ASAP2: variants seen among roughly 807,000 people sequenced by gnomAD.
ASAP2 encodes the protein arf-GAP with SH3 domain, ANK repeat and PH domain-containing protein 2.
Under a neutral mutation model 131.4 loss-of-function variants are expected in ASAP2, and 45 were observed. The observed-to-expected ratio is 0.34, with a 90% CI of 0.27 to 0.44. The LOEUF (loss-of-function observed/expected upper bound fraction) is 0.44, where lower values mean the gene tolerates loss of function less well. ASAP2 is among the 20% of genes least tolerant of loss of function. The pLI, the probability that ASAP2 is intolerant of heterozygous loss-of-function variation, is 1.00. For missense variants in ASAP2, 1,011 were observed against 1,297.0 expected, an observed-to-expected ratio of 0.78 and a Z score of 3.39; for synonymous variants, 510 against 503.0, an observed-to-expected ratio of 1.01 and a Z score of -0.19.
chr2:9,210,725 TC>T (rs1661475748), intron 1 of ASAP2, among the ~76,000 whole-genome samples: 2 of 151,956 alleles, frequency 1.3e-5, no homozygotes, highest in Admixed American at 6.5e-5. Context: ...CGGCTAATTT[TC>T]TGTATTTTTA....
Position 9,374,916 on chromosome 2 carries a change from C to A in ASAP2, c.1718C>A (p.Thr573Lys). 6.2e-7 allele frequency: 1 copy of A among 1,603,662 alleles called. No individual in the cohort carries two copies. Among genetic ancestry groups the A allele is most frequent in the Non-Finnish European group, 8.5e-7 (1 of 1,176,542 alleles). ...LQAYADGVDL[T>K]EKIPLANGHE... ...GCTTATGCTGATGGTGTGGATCTTACGGAAAAAATCCCACTGGCCAACGGA... is the reference window on the plus strand; with the variant it reads ...GCTTATGCTGATGGTGTGGATCTTAAGGAAAAAATCCCACTGGCCAACGGA... Residue 573 changes from threonine (T) to lysine (K), a missense_variant, in exon 17 of 28, where the codon ACG becomes AAG. Coordinates refer to ENST00000281419, the MANE Select transcript of ASAP2 (RefSeq NM_003887.3).
chr2:9,264,351 C>A (rs1199300216), intron 1 of ASAP2, among the ~76,000 whole-genome samples: 1 of 152,166 alleles, frequency 6.6e-6, no homozygotes, highest in Non-Finnish European at 1.5e-5. Flanking sequence ...TGGGGGGGCC[C>A]GTGCTGGCGT....
intron 3 of ASAP2, among the ~76,000 whole-genome samples, chr2:9,317,349 TCACA>T (rs963565112): frequency 1.0e-4 from 13 of 129,834 alleles, no homozygotes; most frequent in South Asian, 2.7e-4. Context: ...ACACACACCC[TCACA>T]CAATCATTCA....
chr2:9,271,379 G>A (rs1666383934), intron 1 of ASAP2: 2 of 1,386,140 alleles, frequency 1.4e-6, no homozygotes, highest in Admixed American at 3.4e-5. Flanking sequence ...TCACCCTGTA[G>A]CTGAATTACT....
chr2:9,251,698 G>A lies in ASAP2; in HGVS notation c.127-27619G>A, dbSNP rs561809985. Among the ~76,000 whole-genome samples the A allele has an allele frequency of 2.6e-5, 4 of 152,100 alleles. No individual in the cohort carries two copies. In the South Asian group the frequency reaches 6.2e-4, roughly 24 times the overall value. On this transcript the variant is annotated intron_variant, in intron 1 of 27. Transcript: ENST00000281419. ...CATGGGGTCTTTCCTGGGGACCTTC[G>A]GTTTTGTGATGAGGAAGTGGAGTGG...
chr2:9,207,739 C>T lies in ASAP2; in HGVS notation c.126+509C>T, dbSNP rs936565150. Among the ~76,000 whole-genome samples, 3 of 152,068 alleles carry T rather than the reference C, an allele frequency of 2.0e-5. No homozygotes were observed. The highest frequency in any genetic ancestry group is 7.2e-5 in the African/African-American group (3 of 41,440). On this transcript the variant is annotated intron_variant, in intron 1 of 27. Transcript: ENST00000281419. The surrounding 1 kb of genome is among the most constrained non-coding windows in gnomAD (Gnocchi z 4.1). ...CGGGCTGCCCGGGAAGGCGTGCCCG[C>T]CTCAGCCAGGGCGGCCTGGCTGCGC...
chr2:9,345,251 C>T (rs74921310), intron 11 of ASAP2, among the ~76,000 whole-genome samples: 3,170 of 152,162 alleles, frequency 0.021, 58 homozygotes, highest in Non-Finnish European at 0.031. Context: ...ACTCTGGGGA[C>T]CAGAAATCCA....
At chr2:9,395,607 T>C (rs1391814101) in intron 24 of ASAP2, among the ~76,000 whole-genome samples, 87 of 98,438 alleles carry the variant, frequency 8.8e-4, no homozygotes, top group Non-Finnish European at 1.4e-3. Flanking sequence ...TTTTTTTTTT[T>C]TTTTTTTTTT....
At chr2:9,390,290 T>C (rs1457337871) in intron 22 of ASAP2, among the ~76,000 whole-genome samples, 1 of 152,228 alleles carries the variant, frequency 6.6e-6, no homozygotes, top group African/African-American at 2.4e-5. Flanking sequence ...GTGTCAGCCT[T>C]GCATTTGGGG....
intron 3 of ASAP2, among the ~76,000 whole-genome samples, chr2:9,308,954 A>C (rs1669121675): frequency 6.6e-6 from 1 of 152,188 alleles, no homozygotes; most frequent in African/African-American, 2.4e-5. Flanking sequence ...TCTTTCAGAT[A>C]AGCGGCCTTT....
chr2:9,269,406 C>T (rs977533493), intron 1 of ASAP2, among the ~76,000 whole-genome samples: 2 of 152,184 alleles, frequency 1.3e-5, no homozygotes, highest in Non-Finnish European at 2.9e-5. Context: ...CGTGTGTGCC[C>T]ACCCTGAGCC....
At chr2:9,343,640 T>C (rs1249050716) in intron 9 of ASAP2, among the ~76,000 whole-genome samples, 1 of 152,122 alleles carries the variant, frequency 6.6e-6, no homozygotes, top group Non-Finnish European at 1.5e-5. Context: ...AGAAACGAGG[T>C]CTTGCTATGT....
chr2:9,298,411 C>T (rs1192663689), intron 3 of ASAP2, among the ~76,000 whole-genome samples: 1 of 152,214 alleles, frequency 6.6e-6, no homozygotes, highest in African/African-American at 2.4e-5. Flanking sequence ...GGCCCTTGCT[C>T]TTTCTCCCCG....
chr2:9,365,179 A>G (rs558699778), intron 15 of ASAP2, among the ~76,000 whole-genome samples: 1 of 152,328 alleles, frequency 6.6e-6, no homozygotes, highest in South Asian at 2.1e-4. Flanking sequence ...TTCCCTGCAC[A>G]CCAGAGTGTC....
At chr2:9,363,146 A>C (rs937543644) in intron 15 of ASAP2, among the ~76,000 whole-genome samples, 8 of 152,318 alleles carry the variant, frequency 5.3e-5, no homozygotes, top group Admixed American at 2.6e-4. Flanking sequence ...TTTCAGGTCG[A>C]ATAGTATTCC....
At chr2:9,221,775 T>C (rs1486902235) in intron 1 of ASAP2, among the ~76,000 whole-genome samples, 1 of 152,166 alleles carries the variant, frequency 6.6e-6, no homozygotes, top group Admixed American at 6.5e-5. Context: ...TATTCTTTAA[T>C]AAGCTGAGCA....
chr2:9,207,194 G>A lies in ASAP2; in HGVS notation c.90G>A (p.Thr30=). 6.2e-7 allele frequency: 1 copy of A among 1,602,440 alleles called. No homozygotes were observed. Among genetic ancestry groups the A allele is most frequent in the South Asian group, 1.1e-5 (1 of 89,690 alleles). Residue 30 remains threonine, a synonymous_variant, in exon 1 of 28, where the codon ACG becomes ACA. Transcript: ENST00000281419. This position sits in a 1 kb window ranked among gnomAD's most constrained non-coding sequence, Gnocchi z 4.1. ...APTASSFTTR[T]AQCRNTVAAI... ...CGGCCTCCAGCTTCACCACCCGCAC[G>A]GCGCAGTGCCGGAACACTGTGGCGG...
intron 3 of ASAP2, among the ~76,000 whole-genome samples, chr2:9,302,522 T>C (rs1263145548): frequency 6.6e-6 from 1 of 151,908 alleles, no homozygotes; most frequent in Admixed American, 6.6e-5. Context: ...TCGCCCAAGC[T>C]AGAGTGCAGT....
chr2:9,219,647 G>A (rs1034347488), intron 1 of ASAP2, among the ~76,000 whole-genome samples: 4 of 152,094 alleles, frequency 2.6e-5, no homozygotes, highest in Non-Finnish European at 5.9e-5. Flanking sequence ...ATAGCATCCT[G>A]AGAAACTTAT....
Sources: allele counts gnomAD v4.1 joint callset (sites outside exome capture counted in the v4.1 genomes callset), GRCh38; gene constraint gnomAD v4.1.1; non-coding constraint Gnocchi (gnomAD v3.1); transcripts MANE v1.5; gene names NCBI Gene and HGNC (gene_info 2026-07-23, HGNC 2026-07-21).